Variants in OSBPL6 observed in about 807,000 individuals in gnomAD.
OSBPL6 encodes the protein oxysterol-binding protein-related protein 6.
In OSBPL6, 49 loss-of-function variants were observed where a neutral mutation model predicts 125.8. That is an observed-to-expected ratio of 0.39 (90% CI 0.31 to 0.49). The LOEUF (loss-of-function observed/expected upper bound fraction) is 0.49, where lower values mean the gene tolerates loss of function less well. Ranked by LOEUF, OSBPL6 falls within the 20% of genes least tolerant of loss-of-function variation. OSBPL6 has a pLI of 0.88. For missense variants in OSBPL6, 986 were observed against 1,135.4 expected (o/e 0.87, Z 1.89); for synonymous variants, 394 against 391.8 (o/e 1.01, Z -0.07).
chr2:178,288,030 G>A (rs947467918), intron 2 of OSBPL6, among the ~76,000 whole-genome samples: 1 of 151,968 alleles, frequency 6.6e-6, no homozygotes, highest in Non-Finnish European at 1.5e-5. Context: ...AAGTGGAAGA[G>A]GAGAAAGAGT....
At chr2:178,278,591 T>G (rs2092517060) in intron 1 of OSBPL6, among the ~76,000 whole-genome samples, 1 of 152,186 alleles carries the variant, frequency 6.6e-6, no homozygotes, top group Non-Finnish European at 1.5e-5. Flanking sequence ...CTTTACTTAT[T>G]AACAAGAAAG....
chr2:178,285,374 A>G (rs574492133), intron 2 of OSBPL6, among the ~76,000 whole-genome samples: 13 of 152,252 alleles, frequency 8.5e-5, no homozygotes, highest in Non-Finnish European at 1.5e-4. Context: ...GTAGTCTGGC[A>G]TCATGTGGAA....
intron 15 of OSBPL6, among the ~76,000 whole-genome samples, chr2:178,381,255 G>A (rs1694448898): frequency 6.6e-6 from 1 of 152,046 alleles, no homozygotes; most frequent in African/African-American, 2.4e-5. Flanking sequence ...TCATTTTTCT[G>A]CTAATTTGTG....
Position 178,399,974 on chromosome 2 carries a change from A to ATT in OSBPL6, c.*4423_*4424dup, listed in dbSNP as rs758928312. 3 of 151,524 alleles carry ATT rather than the reference A, an allele frequency of 2.0e-5. No individual in the cohort carries two copies. Among genetic ancestry groups the ATT allele is most frequent in the Admixed American group, 2.0e-4 (3 of 15,186 alleles). The allele number at this position is 151,524 out of a possible 1,614,324, so 9.4% of individuals were successfully genotyped here. Reference sequence around the variant, plus strand: ...AACAAAAATGTTCTTATTTTCTGCAATTTTTTTTTCTAGCCATTCCTTCCT... The same window carrying ATT: ...AACAAAAATGTTCTTATTTTCTGCAATTTTTTTTTTTCTAGCCATTCCTTCCT... On this transcript the variant is annotated 3_prime_UTR_variant, in exon 25 of 25. Coordinates refer to ENST00000190611, the MANE Select transcript of OSBPL6 (RefSeq NM_032523.4).
At position 178,383,223 on chromosome 2, in the gene OSBPL6, A is replaced by G. The variant is rs900737995; in HGVS notation, c.1821A>G (p.Glu607=). 1 of 1,614,236 alleles carries G rather than the reference A, an allele frequency of 6.2e-7. No homozygotes were observed. Among genetic ancestry groups the G allele is most frequent in the Admixed American group, 1.7e-5 (1 of 60,024 alleles). ...NTLQHLCEEM[E]YSELLDKASE... ...TGCAGCACCTCTGTGAGGAAATGGA[A>G]TACAGCGAGCTCCTGGACAAGGCTT... Residue 607 remains glutamate, a synonymous_variant, in exon 17 of 25, where the codon GAA becomes GAG. Coordinates refer to ENST00000190611, the MANE Select transcript of OSBPL6 (RefSeq NM_032523.4).
intron 11 of OSBPL6, among the ~76,000 whole-genome samples, chr2:178,343,536 T>G (rs1690414486): frequency 1.3e-5 from 2 of 152,122 alleles, no homozygotes; most frequent in Non-Finnish European, 2.9e-5. Flanking sequence ...GCTGTAGGAT[T>G]CTTCTACCGG....
chr2:178,320,451 AC>A, intron 3 of OSBPL6: 1 of 1,555,460 alleles, frequency 6.4e-7, no homozygotes, highest in South Asian at 1.2e-5. Context: ...TAAAAAACTG[AC>A]CTGGAAATTA....
In OSBPL6 at chr2:178,204,029, T is replaced by C. The variant is rs545739339; in HGVS notation, c.-351+9355T>C. On this transcript the variant is annotated intron_variant, in intron 1 of 24. Transcript: ENST00000190611. ...AATTCTTTTCTTTTTCTTTTTCTTT[T>C]TTTTTTTTTTTTTTGAGACAATCTC... is the stretch of plus-strand genomic sequence containing the variant. Among the ~76,000 whole-genome samples, 417 of 149,678 alleles carry C rather than the reference T, an allele frequency of 2.8e-3. 4 individuals are homozygous for C. Among genetic ancestry groups the C allele is most frequent in the African/African-American group, 9.9e-3 (403 of 40,892 alleles).
intron 5 of OSBPL6, among the ~76,000 whole-genome samples, chr2:178,330,842 G>A (rs1041839240): frequency 2.6e-5 from 4 of 152,192 alleles, no homozygotes; most frequent in African/African-American, 9.7e-5. Context: ...ATCAACAGCT[G>A]AGAGTTCCTG....
chr2:178,209,439 C>CTTTTTTT (rs71850875), intron 1 of OSBPL6, among the ~76,000 whole-genome samples: 39 of 95,528 alleles, frequency 4.1e-4, no homozygotes, highest in South Asian at 7.2e-4. Flanking sequence ...TTCTTTCTTT[C>CTTTTTTT]TTTTTTTTTT....
chr2:178,225,790 C>G (rs778654082), intron 1 of OSBPL6, among the ~76,000 whole-genome samples: 11 of 152,144 alleles, frequency 7.2e-5, no homozygotes, highest in Non-Finnish European at 1.5e-4. Flanking sequence ...GAGACCCATT[C>G]AGTATCATGA....
At chr2:178,253,501 A>ACTG (rs2091771494) in intron 1 of OSBPL6, among the ~76,000 whole-genome samples, 1 of 152,202 alleles carries the variant, frequency 6.6e-6, no homozygotes, top group African/African-American at 2.4e-5. Flanking sequence ...ATGCCTTGTT[A>ACTG]ATAATTCAGT....
Position 178,391,117 on chromosome 2 carries a change from G to C in OSBPL6, c.2346G>C (p.Val782=). The C allele has an allele frequency of 6.2e-7, 1 of 1,613,974 alleles. No individual in the cohort carries two copies. Among genetic ancestry groups the C allele is most frequent in the South Asian group, 1.1e-5 (1 of 91,014 alleles). ...NSNMNEVQGV[V]IDQEGKAVYR... ...ACATGAATGAAGTCCAGGGGGTGGT[G>C]ATAGATCAGGAGGGGAAGGCGGTGT... The change falls in exon 22 of 25, where the codon GTG becomes GTC. Residue 782 remains valine, a synonymous_variant. Transcript: ENST00000190611.
At chr2:178,392,072 A>G (rs1207799068) in intron 22 of OSBPL6, among the ~76,000 whole-genome samples, 1 of 152,202 alleles carries the variant, frequency 6.6e-6, no homozygotes, top group African/African-American at 2.4e-5. Context: ...TTTCTGGTGT[A>G]CTCTTAATGT....
At chr2:178,244,453 A>T (rs190968592) in intron 1 of OSBPL6, among the ~76,000 whole-genome samples, 185 of 152,350 alleles carry the variant, frequency 1.2e-3, no homozygotes, top group African/African-American at 4.1e-3. Flanking sequence ...CTTTTGGTTT[A>T]ACACCATACC....
chr2:178,317,437 C>T (rs945602194), intron 3 of OSBPL6, among the ~76,000 whole-genome samples: 3 of 106,986 alleles, frequency 2.8e-5, no homozygotes, highest in African/African-American at 3.8e-5. Context: ...ACTTAGACAC[C>T]ATATATATAT....
rs376404654 is a variant in OSBPL6 at position 178,306,167 on chromosome 2, G to A, written c.-18G>A. 22 of 1,542,850 alleles carry A rather than the reference G, an allele frequency of 1.4e-5. No individual in the cohort carries two copies. The African/African-American group carries it at 2.3e-4, about 16-fold the overall frequency. On this transcript the variant is annotated 5_prime_UTR_variant, in exon 3 of 25. Coordinates refer to ENST00000190611, the MANE Select transcript of OSBPL6 (RefSeq NM_032523.4). ...TGGGATGGTCTTAAGTGCATAAAACGAGACTCTAACTGCAGCGATGAGTTC... is the reference window on the plus strand; with the variant it reads ...TGGGATGGTCTTAAGTGCATAAAACAAGACTCTAACTGCAGCGATGAGTTC...
chr2:178,370,766 A>G (rs181317883), intron 13 of OSBPL6, among the ~76,000 whole-genome samples: 5 of 152,308 alleles, frequency 3.3e-5, no homozygotes, highest in Admixed American at 2.0e-4. Flanking sequence ...AGCCCTCCAG[A>G]TCAAGTATAT....
chr2:178,317,990 A>G (rs1282584701), intron 3 of OSBPL6, among the ~76,000 whole-genome samples: 1 of 152,144 alleles, frequency 6.6e-6, no homozygotes, highest in African/African-American at 2.4e-5. Context: ...GTATGTGCTT[A>G]TACTCTGGTT....
Sources: gnomAD v4.1 joint callset for allele counts (sites outside exome capture counted in the v4.1 genomes callset) on GRCh38, gnomAD v4.1.1 for gene constraint, MANE v1.5 for transcripts, NCBI Gene and HGNC (gene_info 2026-07-23, HGNC 2026-07-21) for gene names.